Variants in EDIL3 observed in about 807,000 individuals in gnomAD.
The protein encoded by EDIL3 is EGF-like repeat and discoidin I-like domain-containing protein 3.
A neutral mutation model predicts 67.4 loss-of-function variants in EDIL3; 37 were observed. That is an observed-to-expected ratio of 0.55 (90% confidence interval 0.42 to 0.72). The LOEUF is 0.72. Among genes scored for constraint, EDIL3 ranks in the 30% least tolerant of loss-of-function variants. The pLI is 0.00. For missense variants in EDIL3, 527 were observed against 586.3 expected, an observed-to-expected ratio of 0.90 and a Z score of 1.04; for synonymous variants, 195 against 196.3, an observed-to-expected ratio of 0.99 and a Z score of 0.05.
intron 6 of EDIL3, chr5:84,078,514 G>A (rs767880881): frequency 6.6e-6 from 1 of 152,044 alleles, no homozygotes; most frequent in African/African-American, 2.4e-5. Flanking sequence ...ACACAAAGAA[G>A]GTAGAATGAA....
chr5:84,241,956 C>T (rs934619970), intron 2 of EDIL3, among the ~76,000 whole-genome samples: 1 of 151,544 alleles, frequency 6.6e-6, no homozygotes, highest in Non-Finnish European at 1.5e-5. Flanking sequence ...CGCGGTGGCT[C>T]ACGCCTGTAA....
At chr5:84,198,436 G>A (rs1052127168) in intron 3 of EDIL3, among the ~76,000 whole-genome samples, 1 of 151,970 alleles carries the variant, frequency 6.6e-6, no homozygotes, top group African/African-American at 2.4e-5. Context: ...TAGTGCTGTA[G>A]TGAAGCCATA....
chr5:84,041,135 TAAA>T, intron 9 of EDIL3, among the ~76,000 whole-genome samples: 1 of 143,842 alleles, frequency 7.0e-6, no homozygotes, highest in East Asian at 2.1e-4. Context: ...TGTCTCAAAA[TAAA>T]AAAAAAAAAC....
intron 6 of EDIL3, among the ~76,000 whole-genome samples, chr5:84,105,851 C>T (rs1747450884): frequency 6.6e-6 from 1 of 152,050 alleles, no homozygotes; most frequent in African/African-American, 2.4e-5. Flanking sequence ...CAAAAGCTAT[C>T]TGCCCCAGGT....
intron 1 of EDIL3, among the ~76,000 whole-genome samples, chr5:84,352,712 G>T (rs557047787): frequency 5.9e-4 from 90 of 151,942 alleles, no homozygotes; most frequent in African/African-American, 2.1e-3. Context: ...CAAGTGATAG[G>T]TGCACTAAAA....
chr5:84,303,962 A>G (rs1746215950), intron 1 of EDIL3, among the ~76,000 whole-genome samples: 2 of 152,002 alleles, frequency 1.3e-5, no homozygotes, highest in Admixed American at 6.6e-5. Flanking sequence ...TCCATTCTAC[A>G]ATATATTGCG....
chr5:84,085,015 G>C (rs983773616), intron 6 of EDIL3, among the ~76,000 whole-genome samples: 2 of 152,132 alleles, frequency 1.3e-5, no homozygotes, highest in African/African-American at 4.8e-5. Context: ...AGGGTATTTT[G>C]TTAGCAGAAA....
chr5:83,974,150 T>C (rs1005836071), intron 9 of EDIL3, among the ~76,000 whole-genome samples: 2 of 151,904 alleles, frequency 1.3e-5, no homozygotes, highest in Non-Finnish European at 2.9e-5. Flanking sequence ...GTTGGGTATG[T>C]GCATGTTTTA....
At chr5:84,133,578 G>T (rs1160781553) in intron 5 of EDIL3, among the ~76,000 whole-genome samples, 1 of 151,720 alleles carries the variant, frequency 6.6e-6, no homozygotes, top group Non-Finnish European at 1.5e-5. Flanking sequence ...AGTGAGCCGA[G>T]ATTGTGCCAC....
At chr5:84,379,464 C>A (rs965084925) in intron 1 of EDIL3, among the ~76,000 whole-genome samples, 1 of 152,110 alleles carries the variant, frequency 6.6e-6, no homozygotes, top group Admixed American at 6.5e-5. Flanking sequence ...TAAAAGCATT[C>A]ATCTCTTTCC....
intron 1 of EDIL3, among the ~76,000 whole-genome samples, chr5:84,308,667 T>G (rs1401313813): frequency 6.6e-6 from 1 of 152,184 alleles, no homozygotes; most frequent in Non-Finnish European, 1.5e-5. Context: ...CAGTAAATTA[T>G]TAATCTGTGA....
intron 4 of EDIL3, 59 bp downstream of exon 4, chr5:84,180,334 A>G: frequency 2.0e-6 from 3 of 1,483,906 alleles, no homozygotes; most frequent in Non-Finnish European, 9.0e-7. Flanking sequence ...AAGAATGATG[A>G]TGGCTTGTAT....
chr5:84,310,805 GTACCCCTAGA>G (rs1473955136), intron 1 of EDIL3, among the ~76,000 whole-genome samples: 2 of 152,028 alleles, frequency 1.3e-5, no homozygotes, highest in South Asian at 4.1e-4. Context: ...ACATATCTAT[GTACCCCTAGA>G]GCCTCCTAGA....
intron 5 of EDIL3, among the ~76,000 whole-genome samples, chr5:84,116,473 G>A (rs1747667588): frequency 6.6e-6 from 1 of 152,026 alleles, no homozygotes; most frequent in Admixed American, 6.6e-5. Flanking sequence ...GGTTGGGTCA[G>A]GGACCTAAAC....
chr5:84,073,188 G>C (rs1045242071), intron 6 of EDIL3, among the ~76,000 whole-genome samples: 1 of 152,042 alleles, frequency 6.6e-6, no homozygotes, highest in South Asian at 2.1e-4. Flanking sequence ...GTATTGATGG[G>C]ACGTATCTCA....
intron 1 of EDIL3, among the ~76,000 whole-genome samples, chr5:84,317,577 G>A (rs1048089338): frequency 5.9e-5 from 9 of 152,054 alleles, no homozygotes; most frequent in Admixed American, 4.6e-4. Flanking sequence ...ACCAATAACA[G>A]GTTCTAAAAT....
intron 6 of EDIL3, among the ~76,000 whole-genome samples, chr5:84,088,260 CAG>C (rs1747106559): frequency 6.6e-6 from 1 of 152,154 alleles, no homozygotes; most frequent in South Asian, 2.1e-4. Flanking sequence ...CAAAAAGTAT[CAG>C]ATAATGCATT....
intron 4 of EDIL3, among the ~76,000 whole-genome samples, chr5:84,138,145 T>TG (rs1748126938): frequency 6.6e-6 from 1 of 152,202 alleles, no homozygotes; most frequent in African/African-American, 2.4e-5. Context: ...CAAAGCACCA[T>TG]GCTGGATTCT....
chr5:84,051,580 C>A (rs1737229015), intron 9 of EDIL3, among the ~76,000 whole-genome samples: 1 of 152,088 alleles, frequency 6.6e-6, no homozygotes, highest in Non-Finnish European at 1.5e-5. Context: ...AAACAAATGG[C>A]TAACTAGAAT....
Sources: gnomAD v4.1 joint callset for allele counts (sites outside exome capture counted in the v4.1 genomes callset) on GRCh38, gnomAD v4.1.1 for gene constraint, MANE v1.5 for transcripts, NCBI Gene and HGNC (gene_info 2026-07-23, HGNC 2026-07-21) for gene names.